ATP9A: variants seen among roughly 807,000 people sequenced by gnomAD.
The protein encoded by ATP9A is ATPase phospholipid transporting 9A.
ATP9A carries 52 observed loss-of-function variants against 144.1 expected under a neutral mutation model. The observed-to-expected ratio is 0.36, with a 90% CI of 0.29 to 0.45. The LOEUF (loss-of-function observed/expected upper bound fraction) is 0.45. Among genes scored for constraint, ATP9A ranks in the 20% least tolerant of loss-of-function variants. The probability of loss-of-function intolerance (pLI) is 1.00; values close to 1 mark genes in which losing one functional copy is unlikely to be tolerated. For missense variants in ATP9A, 947 were observed against 1,392.7 expected, an observed-to-expected ratio of 0.68 and a Z score of 5.09; for synonymous variants, 582 against 557.4, an observed-to-expected ratio of 1.04 and a Z score of -0.62.
chr20:51,619,869 C>CAAAAA (rs564118011), intron 19 of ATP9A, among the ~76,000 whole-genome samples: 24 of 83,700 alleles, frequency 2.9e-4, no homozygotes, highest in East Asian at 4.8e-4. Flanking sequence ...AACTCTGTCT[C>CAAAAA]AAAAAAAAAA....
intron 15 of ATP9A, 98 bp downstream of exon 15, chr20:51,639,245 C>A: frequency 7.7e-7 from 1 of 1,296,298 alleles, no homozygotes; most frequent in Non-Finnish European, 1.1e-6. Flanking sequence ...TGACAGATAC[C>A]ACAGTAAAGA....
chr20:51,686,558 AC>A (rs2077524009), intron 9 of ATP9A, among the ~76,000 whole-genome samples: 1 of 152,244 alleles, frequency 6.6e-6, no homozygotes, highest in African/African-American at 2.4e-5. Context: ...AAGAAGAACC[AC>A]AAAGGAAAGT....
At chr20:51,695,150 A>T (rs1258606519) in intron 6 of ATP9A, among the ~76,000 whole-genome samples, 1 of 152,156 alleles carries the variant, frequency 6.6e-6, no homozygotes, top group Non-Finnish European at 1.5e-5. Context: ...TAAGGGAAAA[A>T]CAGCCTTATT....
At chr20:51,742,808 C>T (rs1237408089) in intron 1 of ATP9A, among the ~76,000 whole-genome samples, 1 of 152,222 alleles carries the variant, frequency 6.6e-6, no homozygotes, top group African/African-American at 2.4e-5. Flanking sequence ...AGCCGCCGCA[C>T]CTGGCCCCTC....
intron 15 of ATP9A, among the ~76,000 whole-genome samples, chr20:51,634,508 A>G (rs2077282540): frequency 6.6e-6 from 1 of 152,270 alleles, no homozygotes; most frequent in South Asian, 2.1e-4. Flanking sequence ...AGAGTTGCCA[A>G]GGACACAGGT....
At chr20:51,645,484 C>A (rs751611745) in intron 14 of ATP9A, among the ~76,000 whole-genome samples, 1 of 151,960 alleles carries the variant, frequency 6.6e-6, no homozygotes, top group Non-Finnish European at 1.5e-5. Context: ...CGCGCCTGGG[C>A]GACAGAGTGA....
intron 1 of ATP9A, among the ~76,000 whole-genome samples, chr20:51,766,779 G>A (rs377616273): frequency 6.6e-6 from 1 of 152,154 alleles, no homozygotes; most frequent in Admixed American, 6.5e-5. Context: ...GGCGGAGGTT[G>A]CAGTGAGCCG....
chr20:51,736,671 A>G (rs2077764306), intron 1 of ATP9A, among the ~76,000 whole-genome samples: 1 of 152,184 alleles, frequency 6.6e-6, no homozygotes, highest in Non-Finnish European at 1.5e-5. Context: ...TTGTAGTGAT[A>G]GCTACACAAC....
intron 1 of ATP9A, among the ~76,000 whole-genome samples, chr20:51,745,271 A>C (rs1286283717): frequency 7.0e-6 from 1 of 143,486 alleles, no homozygotes; most frequent in African/African-American, 2.5e-5. Flanking sequence ...CGTCTAAAAA[A>C]AAAAAAAAAA....
At chr20:51,727,465 A>T (rs2122870674) in intron 2 of ATP9A, among the ~76,000 whole-genome samples, 1 of 151,934 alleles carries the variant, frequency 6.6e-6, no homozygotes, top group East Asian at 1.9e-4. Flanking sequence ...ATGCACCCGT[A>T]GTCCCAGCTA....
At chr20:51,605,686 G>C (rs1465700643) in intron 26 of ATP9A, among the ~76,000 whole-genome samples, 1 of 152,006 alleles carries the variant, frequency 6.6e-6, no homozygotes, top group East Asian at 1.9e-4. Flanking sequence ...GCTGAGGCGG[G>C]CGGATCACTG....
intron 1 of ATP9A, among the ~76,000 whole-genome samples, chr20:51,756,367 T>C (rs1031384269): frequency 6.6e-6 from 1 of 151,824 alleles, no homozygotes; most frequent in Admixed American, 6.6e-5. Flanking sequence ...CTTGGCTCAC[T>C]GCAACCTCCG....
At chr20:51,664,886 ATT>A (rs559731508) in intron 13 of ATP9A, among the ~76,000 whole-genome samples, 21 of 135,864 alleles carry the variant, frequency 1.5e-4, no homozygotes, top group Admixed American at 3.8e-4. Context: ...CCCCCGGCTA[ATT>A]TTTTTTTTTT....
chr20:51,608,491 A>C (rs2077172478), intron 25 of ATP9A, 27 bp downstream of exon 25: 1 of 1,411,044 alleles, frequency 7.1e-7, no homozygotes, highest in South Asian at 1.2e-5. Context: ...GGAAAGGAGG[A>C]AGGAGGGACT....
In ATP9A at chr20:51,598,840, G is replaced by A. The variant is rs931691644; in HGVS notation, c.*2371C>T. ...CTGCCCACTGATGGGATGGGCCAAC[G>A]ACGTGGCAGTTTGCACTTGAGTGTC... is the stretch of plus-strand genomic sequence containing the variant. On this transcript the variant is annotated 3_prime_UTR_variant, in exon 28 of 28. Transcript: ENST00000338821. 5.9e-5 allele frequency: 9 copies of A among 152,326 alleles called. No homozygotes were observed. Among genetic ancestry groups the A allele is most frequent in the African/African-American group, 1.7e-4 (7 of 41,478 alleles). The allele number at this position is 152,326 out of a possible 1,614,324, so 9.4% of individuals were successfully genotyped here.
intron 9 of ATP9A, among the ~76,000 whole-genome samples, chr20:51,684,115 G>T (rs2077511925): frequency 6.6e-6 from 1 of 152,098 alleles, no homozygotes; most frequent in Admixed American, 6.6e-5. Flanking sequence ...AACCCAGGAG[G>T]TCGAGGCTGC....
chr20:51,630,166 G>A (rs894747332), intron 15 of ATP9A, among the ~76,000 whole-genome samples: 7 of 152,206 alleles, frequency 4.6e-5, no homozygotes, highest in African/African-American at 1.4e-4. Context: ...AACTCCTCCA[G>A]CCCTAAAAGT....
chr20:51,697,930 G>C (rs2077577662), intron 4 of ATP9A, among the ~76,000 whole-genome samples: 1 of 152,190 alleles, frequency 6.6e-6, no homozygotes, highest in Non-Finnish European at 1.5e-5. Flanking sequence ...TACATGCTTT[G>C]ATTTATAGGA....
intron 14 of ATP9A, among the ~76,000 whole-genome samples, chr20:51,644,514 C>G (rs1449529623): frequency 6.6e-6 from 1 of 151,838 alleles, no homozygotes; most frequent in Admixed American, 6.6e-5. Flanking sequence ...TCATGATCTG[C>G]CCACCTCGGC....
Sources: gnomAD v4.1 joint callset for allele counts (sites outside exome capture counted in the v4.1 genomes callset) on GRCh38, gnomAD v4.1.1 for gene constraint, MANE v1.5 for transcripts, NCBI Gene and HGNC (gene_info 2026-07-23, HGNC 2026-07-21) for gene names.